CIMIP2C: variants seen among roughly 807,000 people sequenced by gnomAD.
CIMIP2C encodes the protein UPF0573 protein C2orf70.
the CIMIP2C span, among the ~76,000 whole-genome samples, chr2:26,576,521 A>G: frequency 1.3e-5 from 2 of 152,088 alleles, no homozygotes; most frequent in Non-Finnish European, 2.9e-5. Context: ...GTGGAATGCC[A>G]TATATTTTGT....
chr2:26,564,538 C>T, the CIMIP2C span, among the ~76,000 whole-genome samples: 1 of 152,198 alleles, frequency 6.6e-6, no homozygotes, highest in Admixed American at 6.5e-5. Flanking sequence ...GCTTTCTCAT[C>T]TAGATCTTTC....
the CIMIP2C span, chr2:26,562,675 A>G: frequency 3.2e-6 from 5 of 1,575,566 alleles, no homozygotes; most frequent in Non-Finnish European, 4.3e-6. Flanking sequence ...TGCCCCCTGG[A>G]CTCATGCCCG....
At chr2:26,575,950 C>A in the CIMIP2C span, 96 of 1,613,830 alleles carry the variant, frequency 5.9e-5, no homozygotes, top group Non-Finnish European at 8.0e-5. Flanking sequence ...GCGCTCCCTA[C>A]GGCACCACCA....
the CIMIP2C span, among the ~76,000 whole-genome samples, chr2:26,565,035 C>T: frequency 5.2e-5 from 7 of 133,456 alleles, no homozygotes; most frequent in African/African-American, 1.3e-4. Flanking sequence ...TTCTTCTTCT[C>T]CTTCTCCTTC....
chr2:26,579,407 A>T, the CIMIP2C span: 1 of 1,613,902 alleles, frequency 6.2e-7, no homozygotes, highest in Non-Finnish European at 8.5e-7. Context: ...GAGCGGAAAA[A>T]GAGAGACTGC....
the CIMIP2C span, chr2:26,579,374 C>G: frequency 6.2e-7 from 1 of 1,613,732 alleles, no homozygotes; most frequent in South Asian, 1.1e-5. Flanking sequence ...ACCTTCCCAT[C>G]AGGGAAGAGG....
chr2:26,562,635 C>A, the CIMIP2C span: 5 of 1,586,520 alleles, frequency 3.2e-6, no homozygotes. Flanking sequence ...AGCGCGGGCA[C>A]CCTACTGACC....
At chr2:26,576,267 C>T in the CIMIP2C span, 1 of 1,385,712 alleles carries the variant, frequency 7.2e-7, no homozygotes, top group East Asian at 2.4e-5. Context: ...AGGGGGAGAC[C>T]TCGCACCTGC....
At chr2:26,565,615 G>A in the CIMIP2C span, among the ~76,000 whole-genome samples, 16 of 152,160 alleles carry the variant, frequency 1.1e-4, no homozygotes, top group Non-Finnish European at 1.8e-4. Context: ...TGCCTGGTAC[G>A]AATCCTGGCT....
At chr2:26,569,407 T>G in the CIMIP2C span, among the ~76,000 whole-genome samples, 2 of 152,110 alleles carry the variant, frequency 1.3e-5, no homozygotes, top group African/African-American at 4.8e-5. Context: ...CGCTTGTGCT[T>G]GGTGTCACAG....
the CIMIP2C span, chr2:26,576,254 G>A: frequency 1.3e-6 from 2 of 1,502,520 alleles, no homozygotes; most frequent in East Asian, 2.3e-5. Context: ...ATGGCCAGGG[G>A]CCAGGGGGAG....
At chr2:26,567,792 C>G in the CIMIP2C span, among the ~76,000 whole-genome samples, 2 of 152,188 alleles carry the variant, frequency 1.3e-5, no homozygotes, top group African/African-American at 4.8e-5. Context: ...GACCTGTGTT[C>G]GGGCCCCATC....
At chr2:26,579,110 T>A in the CIMIP2C span, 1 of 626,776 alleles carries the variant, frequency 1.6e-6, no homozygotes, top group Non-Finnish European at 2.8e-6. Flanking sequence ...TCTTAACCAC[T>A]GTGCCATTAT....
chr2:26,578,984 C>T, the CIMIP2C span: 1 of 496,160 alleles, frequency 2.0e-6, no homozygotes, highest in Non-Finnish European at 4.0e-6. Context: ...GCATTTATTC[C>T]TCAAGTCAAA....
chr2:26,563,266 A>C, the CIMIP2C span, among the ~76,000 whole-genome samples: 3 of 152,208 alleles, frequency 2.0e-5, no homozygotes, highest in East Asian at 5.8e-4. Flanking sequence ...ATCCTCCCAG[A>C]AGTTTTTCTT....
At chr2:26,562,938 G>A in the CIMIP2C span, 2 of 524,840 alleles carry the variant, frequency 3.8e-6, no homozygotes, top group Non-Finnish European at 6.7e-6. Flanking sequence ...CAGCCAGCAG[G>A]GCATAAGGGA....
chr2:26,573,376 C>T, the CIMIP2C span, among the ~76,000 whole-genome samples: 1 of 143,718 alleles, frequency 7.0e-6, no homozygotes, highest in Non-Finnish European at 1.5e-5. Context: ...GGAACCACGG[C>T]TCATGCCCAC....
chr2:26,562,587 A>G, the CIMIP2C span: 1 of 1,556,476 alleles, frequency 6.4e-7, no homozygotes, highest in East Asian at 2.4e-5. Flanking sequence ...GCGGAGCGCC[A>G]GGCTCGCTGT....
chr2:26,564,975 C>A, the CIMIP2C span, among the ~76,000 whole-genome samples: 1 of 152,198 alleles, frequency 6.6e-6, no homozygotes, highest in Non-Finnish European at 1.5e-5. Flanking sequence ...GTCTGAGCTC[C>A]AACTATGTAC....
Sources: gnomAD v4.1 joint callset for allele counts (sites outside exome capture counted in the v4.1 genomes callset) on GRCh38, gnomAD v4.1.1 for gene constraint, MANE v1.5 for transcripts, NCBI Gene and HGNC (gene_info 2026-07-23, HGNC 2026-07-21) for gene names.